The following DAPK1 variants were observed in gnomAD, a reference collection of about 807,000 sequenced individuals.
DAPK1 encodes death associated protein kinase 1.
DAPK1 carries 56 observed loss-of-function variants against 144.9 expected under a neutral mutation model. The ratio of observed to expected loss-of-function variants is 0.39; its 90% CI spans 0.31 to 0.48. DAPK1 has a LOEUF of 0.48. Among genes scored for constraint, DAPK1 ranks in the 20% least tolerant of loss-of-function variants. DAPK1 has a pLI of 0.95. For missense variants in DAPK1, 1,454 were observed against 1,875.4 expected (o/e 0.78, Z 4.15); for synonymous variants, 690 against 749.0 (o/e 0.92, Z 1.29).
At chr9:87,596,329 A>G (rs1209677923) in intron 2 of DAPK1, among the ~76,000 whole-genome samples, 1 of 152,182 alleles carries the variant, frequency 6.6e-6, no homozygotes, top group Non-Finnish European at 1.5e-5. Context: ...TTACTGGATC[A>G]TGTATAGCAT....
chr9:87,553,409 T>A (rs1826569798), intron 2 of DAPK1: 1 of 152,234 alleles, frequency 6.6e-6, no homozygotes, highest in Non-Finnish European at 1.5e-5. Context: ...ACATGGGCTG[T>A]GTCTTGTTTG....
intron 18 of DAPK1, among the ~76,000 whole-genome samples, chr9:87,661,485 T>G (rs779113848): frequency 9.9e-5 from 15 of 152,160 alleles, no homozygotes; most frequent in Non-Finnish European, 2.2e-4. Context: ...CTCCAACATC[T>G]GTTATTTTTT....
intron 21 of DAPK1, among the ~76,000 whole-genome samples, chr9:87,691,437 A>G (rs1045035909): frequency 6.6e-6 from 1 of 151,962 alleles, no homozygotes; most frequent in African/African-American, 2.4e-5. Context: ...TTATAAAAGA[A>G]CAATTTTTCA....
rs748840300 is a variant in DAPK1 at position 87,681,385 on chromosome 9, CT to C, written c.2002-16del. 1.4e-6 allele frequency: 2 copies of C among 1,416,704 alleles called. No individual in the cohort carries two copies. Among genetic ancestry groups the C allele is most frequent in the Admixed American group, 1.7e-5 (1 of 58,552 alleles). 87.8% of individuals were successfully genotyped at this position (1,416,704 alleles called of 1,614,324 possible). On this transcript the variant is annotated intron_variant, in intron 19 of 25. Transcript: ENST00000408954. ...CCTCTTTTTCTGTCACTCACTGGCT[CT>C]TTCTCATCCATGCTCAGGATACGCA...
intron 20 of DAPK1, among the ~76,000 whole-genome samples, chr9:87,682,092 T>C (rs922912714): frequency 4.6e-5 from 7 of 152,164 alleles, no homozygotes; most frequent in Admixed American, 1.3e-4. Flanking sequence ...CCCAGTATTG[T>C]AGATACATAG....
chr9:87,558,683 A>T (rs538738261), intron 2 of DAPK1, among the ~76,000 whole-genome samples: 5 of 152,160 alleles, frequency 3.3e-5, no homozygotes, highest in Non-Finnish European at 7.4e-5. Context: ...GTTTTTGTTG[A>T]CTTGGTAGTT....
At chr9:87,554,505 C>A (rs1346229710) in intron 2 of DAPK1, 1 of 152,068 alleles carries the variant, frequency 6.6e-6, no homozygotes, top group Non-Finnish European at 1.5e-5. Context: ...TTTTTACCTC[C>A]GGACATAACA....
At chr9:87,524,784 CAA>C (rs1465891689) in intron 2 of DAPK1, among the ~76,000 whole-genome samples, 1 of 152,200 alleles carries the variant, frequency 6.6e-6, no homozygotes, top group East Asian at 1.9e-4. Context: ...TGAAGTAACT[CAA>C]GAATGGAAAA....
intron 2 of DAPK1, among the ~76,000 whole-genome samples, chr9:87,553,046 T>C (rs1826556774): frequency 6.6e-6 from 1 of 152,176 alleles, no homozygotes; most frequent in South Asian, 2.1e-4. Flanking sequence ...ACTAACTACA[T>C]TTCCTTCTCC....
intron 2 of DAPK1, among the ~76,000 whole-genome samples, chr9:87,602,611 A>G (rs942223806): frequency 1.6e-4 from 25 of 152,214 alleles, no homozygotes; most frequent in African/African-American, 5.5e-4. Flanking sequence ...CTCTCCTGCC[A>G]GAAGGATTTT....
At chr9:87,624,251 A>G (rs1352913843) in intron 3 of DAPK1, among the ~76,000 whole-genome samples, 4 of 152,282 alleles carry the variant, frequency 2.6e-5, no homozygotes, top group African/African-American at 7.2e-5. Flanking sequence ...CCCTTCCAAG[A>G]TGTCCTCCAC....
intron 16 of DAPK1, 123 bp from the exon 17 acceptor site, chr9:87,651,404 T>C (rs1428521116): frequency 4.3e-6 from 4 of 924,842 alleles, no homozygotes; most frequent in Non-Finnish European, 6.9e-6. Flanking sequence ...AATCCTCCAC[T>C]AGGGCTTTTA....
chr9:87,510,568 T>C (rs1183152409), intron 2 of DAPK1, among the ~76,000 whole-genome samples: 1 of 152,254 alleles, frequency 6.6e-6, no homozygotes. Flanking sequence ...TTGGCATTCT[T>C]ATTACAGGGG....
At chr9:87,693,497 T>A (rs1262625242) in intron 21 of DAPK1, among the ~76,000 whole-genome samples, 2 of 152,156 alleles carry the variant, frequency 1.3e-5, no homozygotes, top group Non-Finnish European at 2.9e-5. Flanking sequence ...TTTTCTGGAT[T>A]CTCTTGTACC....
rs1337906236 is a variant in DAPK1 at position 87,599,059 on chromosome 9, C to T, written c.63-5895C>T. Among the ~76,000 whole-genome samples, 3 of 152,314 alleles carry T rather than the reference C, an allele frequency of 2.0e-5. No individual in the cohort carries two copies. The East Asian group carries it at 5.8e-4, about 29-fold the overall frequency. On this transcript the variant is annotated intron_variant, in intron 2 of 25. Transcript: ENST00000408954. The stretch of plus-strand genomic sequence containing the variant: ...CCCTTTGCTTTCCCCTCACAAAACA[C>T]TTTCCTAGAGTGATGCTGGAGTCTG...
At chr9:87,693,991 G>A (rs36218436) in intron 21 of DAPK1, among the ~76,000 whole-genome samples, 8,533 of 152,114 alleles carry the variant, frequency 0.056, 609 homozygotes, top group African/African-American at 0.15. Context: ...TTGGGCCCCA[G>A]GGTGGTATAT....
chr9:87,655,256 C>G (rs1830593257), intron 17 of DAPK1, among the ~76,000 whole-genome samples: 1 of 152,220 alleles, frequency 6.6e-6, no homozygotes, highest in Non-Finnish European at 1.5e-5. Flanking sequence ...CCCCCGCAGA[C>G]AGGCTCCCCA....
intron 2 of DAPK1, among the ~76,000 whole-genome samples, chr9:87,577,774 G>A (rs1052946747): frequency 2.0e-5 from 3 of 152,198 alleles, no homozygotes; most frequent in African/African-American, 7.2e-5. Context: ...CCCCAGTGTG[G>A]TGACAGAGCG....
intron 2 of DAPK1, among the ~76,000 whole-genome samples, chr9:87,571,615 A>T (rs1827365334): frequency 6.6e-6 from 1 of 152,126 alleles, no homozygotes; most frequent in Non-Finnish European, 1.5e-5. Flanking sequence ...CGTTCCAGTG[A>T]CATAAATGGA....
Sources: gnomAD v4.1 joint callset for allele counts (sites outside exome capture counted in the v4.1 genomes callset) on GRCh38, gnomAD v4.1.1 for gene constraint, MANE v1.5 for transcripts, NCBI Gene and HGNC (gene_info 2026-07-23, HGNC 2026-07-21) for gene names.